Variants in PLD1 observed in about 807,000 individuals in gnomAD.
PLD1 encodes phospholipase D1, also known as choline phosphatase 1.
In PLD1, 112 loss-of-function variants were observed where a neutral mutation model predicts 137.1. The ratio of observed to expected loss-of-function variants is 0.82; its 90% confidence interval spans 0.70 to 0.96. PLD1 has a LOEUF of 0.96. Among genes scored for constraint, PLD1 ranks in the 40% least tolerant of loss-of-function variants. PLD1 has a pLI of 0.00. For missense variants in PLD1, 1,321 were observed against 1,342.0 expected, an observed-to-expected ratio of 0.98 and a Z score of 0.24; for synonymous variants, 431 against 454.7, an observed-to-expected ratio of 0.95 and a Z score of 0.66.
intron 19 of PLD1, among the ~76,000 whole-genome samples, chr3:171,671,620 T>C (rs1025617919): frequency 1.3e-4 from 20 of 152,146 alleles, no homozygotes; most frequent in African/African-American, 4.8e-4. Flanking sequence ...AGGTATTTGT[T>C]TGGAAAGATG....
chr3:171,764,908 GAAGGAAAGAAAGA>G (rs1472627348), intron 1 of PLD1, among the ~76,000 whole-genome samples: 6 of 27,774 alleles, frequency 2.2e-4, no homozygotes, highest in African/African-American at 5.2e-4. Flanking sequence ...AGGAAGGAAG[GAAGGAAAGAAAGA>G]AAGGAAAGAA....
chr3:171,703,617 G>A (rs554997035), intron 11 of PLD1, among the ~76,000 whole-genome samples: 1 of 152,194 alleles, frequency 6.6e-6, no homozygotes, highest in African/African-American at 2.4e-5. Flanking sequence ...AACAAAATAT[G>A]TAAAGACCTA....
intron 1 of PLD1, among the ~76,000 whole-genome samples, chr3:171,799,101 G>A (rs1017629406): frequency 6.6e-6 from 1 of 152,194 alleles, no homozygotes; most frequent in Admixed American, 6.5e-5. Context: ...AGCACTTCGG[G>A]AGGCCGAGGC....
chr3:171,764,950 GAAA>G lies in PLD1; in HGVS notation c.-31-26871_-31-26869del, dbSNP rs1560289594. 2.3e-3 allele frequency among the ~76,000 whole-genome samples: 90 copies of G among 38,404 alleles called. 21 individuals are homozygous for G. The highest frequency in any genetic ancestry group is 7.5e-3 in the Admixed American group (24 of 3,188). 25.2% of individuals were successfully genotyped at this position (38,404 alleles called of 152,430 possible). A position where few individuals can be genotyped will look rare whatever the true frequency, so the allele number is the denominator to read the frequency against. On this transcript the variant is annotated intron_variant, in intron 1 of 26. Coordinates refer to ENST00000351298, the MANE Select transcript of PLD1 (RefSeq NM_002662.5). The stretch of plus-strand genomic sequence containing the variant: ...GAAAGAAAGGAAAGAAAGAAAGAAA[GAAA>G]GAAAGAAAGAAAGAAAGAAAGAAAG...
At chr3:171,672,086 G>C (rs185455087) in intron 19 of PLD1, among the ~76,000 whole-genome samples, 1 of 151,792 alleles carries the variant, frequency 6.6e-6, no homozygotes, top group African/African-American at 2.4e-5. Context: ...GAGCAAGCAG[G>C]ACTATTCCTT....
chr3:171,687,156 T>A (rs546374559), intron 15 of PLD1, among the ~76,000 whole-genome samples: 2 of 152,254 alleles, frequency 1.3e-5, no homozygotes, highest in Non-Finnish European at 2.9e-5. Context: ...GTGGTCGTTA[T>A]GACTTTTGTG....
intron 15 of PLD1, among the ~76,000 whole-genome samples, chr3:171,687,151 C>T (rs1578273676): frequency 1.3e-5 from 2 of 152,146 alleles, no homozygotes; most frequent in Admixed American, 6.5e-5. Flanking sequence ...TAATCGTGGT[C>T]GTTATGACTT....
chr3:171,730,378 A>G (rs1361397606), intron 6 of PLD1, among the ~76,000 whole-genome samples: 1 of 152,028 alleles, frequency 6.6e-6, no homozygotes, highest in East Asian at 1.9e-4. Flanking sequence ...TCATGACTAC[A>G]CTAAAACACT....
At chr3:171,751,374 C>G (rs916909977) in intron 1 of PLD1, among the ~76,000 whole-genome samples, 4 of 152,114 alleles carry the variant, frequency 2.6e-5, no homozygotes, top group Non-Finnish European at 4.4e-5. Flanking sequence ...GAAAATTACA[C>G]ACACACACAC....
In PLD1 at chr3:171,613,661, T is replaced by G. The variant is rs78272199; in HGVS notation, c.2729-1229A>C. On this transcript the variant is annotated intron_variant, in intron 24 of 26. Coordinates refer to ENST00000351298, the MANE Select transcript of PLD1 (RefSeq NM_002662.5). Reference sequence around the variant, plus strand: ...TTTTTAAAATTATTAATTCTCTTTATTAGCTCAATACCTGGTTCATTCAAG... The same window carrying G: ...TTTTTAAAATTATTAATTCTCTTTAGTAGCTCAATACCTGGTTCATTCAAG... 5.2e-3 allele frequency among the ~76,000 whole-genome samples: 799 copies of G among 152,264 alleles called. 3 individuals are homozygous for G. Among genetic ancestry groups the G allele is most frequent in the African/African-American group, 0.017 (706 of 41,494 alleles).
intron 21 of PLD1, among the ~76,000 whole-genome samples, chr3:171,655,279 G>A (rs1737093820): frequency 6.6e-6 from 1 of 152,202 alleles, no homozygotes; most frequent in Admixed American, 6.5e-5. Context: ...GTAAGTTTGG[G>A]ATGGCACATC....
intron 19 of PLD1, among the ~76,000 whole-genome samples, chr3:171,672,939 G>C (rs1035981216): frequency 6.6e-6 from 1 of 152,182 alleles, no homozygotes; most frequent in Non-Finnish European, 1.5e-5. Flanking sequence ...CATATGCAAC[G>C]CTATGCTAAA....
chr3:171,625,354 C>T (rs967421067), intron 23 of PLD1, among the ~76,000 whole-genome samples: 2 of 152,258 alleles, frequency 1.3e-5, no homozygotes, highest in African/African-American at 4.8e-5. Flanking sequence ...AGCCAGGAAG[C>T]TTGAACTGGG....
intron 3 of PLD1, among the ~76,000 whole-genome samples, chr3:171,737,291 G>C (rs749217504): frequency 2.6e-5 from 4 of 152,204 alleles, no homozygotes; most frequent in African/African-American, 7.2e-5. Context: ...TGCCTTACAT[G>C]CCTTTTTAAA....
chr3:171,704,814 G>A (rs1443027133), intron 11 of PLD1, among the ~76,000 whole-genome samples: 1 of 152,176 alleles, frequency 6.6e-6, no homozygotes, highest in Non-Finnish European at 1.5e-5. Context: ...CGGATTCATG[G>A]AAGACAATTT....
Position 171,810,420 on chromosome 3 carries a change from A to T in PLD1, c.-53T>A, listed in dbSNP as rs1724067268. On this transcript the variant is annotated 5_prime_UTR_variant, in exon 1 of 27. Coordinates refer to ENST00000351298, the MANE Select transcript of PLD1 (RefSeq NM_002662.5). Reference sequence around the variant, plus strand: ...CTACCTGCAGGGCGAAGGGGCCGCTAGCACCTGCGCGTTGGCGGCGGACTC... The same window carrying T: ...CTACCTGCAGGGCGAAGGGGCCGCTTGCACCTGCGCGTTGGCGGCGGACTC... 1.3e-5 allele frequency: 2 copies of T among 152,196 alleles called. No homozygotes were observed. Among genetic ancestry groups the T allele is most frequent in the Non-Finnish European group, 2.9e-5 (2 of 68,070 alleles). 9.4% of individuals were successfully genotyped at this position (152,196 alleles called of 1,614,324 possible).
intron 11 of PLD1, among the ~76,000 whole-genome samples, chr3:171,700,032 CTT>C (rs1716102691): frequency 6.7e-6 from 1 of 149,492 alleles, no homozygotes; most frequent in Non-Finnish European, 1.5e-5. Flanking sequence ...AATCTTAGTT[CTT>C]TCTCTCTCTC....
At chr3:171,730,537 A>G (rs941889852) in intron 6 of PLD1, among the ~76,000 whole-genome samples, 37 of 152,314 alleles carry the variant, frequency 2.4e-4, no homozygotes, top group African/African-American at 8.2e-4. Context: ...GTCCATGTCT[A>G]ATTTCAGAGG....
intron 23 of PLD1, among the ~76,000 whole-genome samples, chr3:171,628,766 G>A (rs998651938): frequency 2.0e-5 from 3 of 151,996 alleles, no homozygotes; most frequent in Non-Finnish European, 4.4e-5. Context: ...AAAACCACGT[G>A]ATTATCTCAA....
Sources: allele counts gnomAD v4.1 joint callset (sites outside exome capture counted in the v4.1 genomes callset), GRCh38; gene constraint gnomAD v4.1.1; transcripts MANE v1.5; gene names NCBI Gene and HGNC (gene_info 2026-07-23, HGNC 2026-07-21).